Variants in AGBL4 observed in about 807,000 individuals in gnomAD.
The protein encoded by AGBL4 is cytosolic carboxypeptidase 6.
A neutral mutation model predicts 66.4 loss-of-function variants in AGBL4; 58 were observed. The ratio of observed to expected loss-of-function variants is 0.87; its 90% CI spans 0.71 to 1.09. The LOEUF (loss-of-function observed/expected upper bound fraction) is 1.09, where lower values mean the gene tolerates loss of function less well. AGBL4 is among the 50% of genes least tolerant of loss of function. AGBL4 has a pLI of 0.00. For synonymous variants in AGBL4, 234 were observed against 222.9 expected (o/e 1.05, Z -0.44); for missense variants, 579 against 631.0 (o/e 0.92, Z 0.88).
At chr1:49,971,907 G>GTTTTTTTT (rs745772850) in intron 1 of AGBL4, among the ~76,000 whole-genome samples, 78 of 23,436 alleles carry the variant, frequency 3.3e-3, no homozygotes, top group South Asian at 7.0e-3. Context: ...GTTTTTTTGG[G>GTTTTTTTT]TTTTTTTTTT....
At chr1:48,779,530 C>G (rs1333810679) in intron 6 of AGBL4, among the ~76,000 whole-genome samples, 1 of 152,138 alleles carries the variant, frequency 6.6e-6, no homozygotes, top group Non-Finnish European at 1.5e-5. Flanking sequence ...TATCTTCCCT[C>G]ACTAGAATAA....
chr1:48,768,302 T>C (rs1644632146), intron 6 of AGBL4, among the ~76,000 whole-genome samples: 1 of 152,190 alleles, frequency 6.6e-6, no homozygotes, highest in African/African-American at 2.4e-5. Flanking sequence ...TATGACCTGT[T>C]GCCAAACTCC....
intron 1 of AGBL4, among the ~76,000 whole-genome samples, chr1:49,903,114 G>A (rs1307685330): frequency 1.3e-5 from 2 of 152,118 alleles, no homozygotes; most frequent in African/African-American, 4.8e-5. Context: ...CAATGGTAGA[G>A]TGGATAAAGA....
At chr1:49,745,628 A>T (rs1650926032) in intron 2 of AGBL4, among the ~76,000 whole-genome samples, 1 of 151,978 alleles carries the variant, frequency 6.6e-6, no homozygotes, top group South Asian at 2.1e-4. Flanking sequence ...AAAAAAGGAC[A>T]TTTATGATGT....
At chr1:49,367,267 T>C (rs778830186) in intron 3 of AGBL4, among the ~76,000 whole-genome samples, 8 of 152,208 alleles carry the variant, frequency 5.3e-5, no homozygotes, top group Non-Finnish European at 1.2e-4. Flanking sequence ...AGACCCTTTA[T>C]GAATGGCTTG....
At chr1:49,569,108 A>G (rs944243961) in intron 3 of AGBL4, among the ~76,000 whole-genome samples, 1 of 152,198 alleles carries the variant, frequency 6.6e-6, no homozygotes, top group Non-Finnish European at 1.5e-5. Flanking sequence ...AGTCATTATG[A>G]TAAGTGAAAT....
chr1:49,255,015 AGATG>A (rs1190878651), intron 3 of AGBL4, among the ~76,000 whole-genome samples: 1 of 152,210 alleles, frequency 6.6e-6, no homozygotes, highest in Non-Finnish European at 1.5e-5. Flanking sequence ...AATCAACTCA[AGATG>A]GATTAAAGAC....
chr1:49,118,302 A>G (rs780428341), intron 4 of AGBL4, among the ~76,000 whole-genome samples: 1 of 152,188 alleles, frequency 6.6e-6, no homozygotes, highest in Non-Finnish European at 1.5e-5. Flanking sequence ...GCTGGTTTTC[A>G]AAGGGAATGC....
rs556535678 is a variant in AGBL4 at position 49,740,650 on chromosome 1, A to G, written c.158-43213T>C. Among the ~76,000 whole-genome samples, 50 of 152,206 alleles carry G rather than the reference A, an allele frequency of 3.3e-4. 1 individual carries two copies. The South Asian group carries it at 9.3e-3, about 28-fold the overall frequency. ...TCCAAAATTGACCATATAGTAGGAA[A>G]TAAAGCACTCCTCAGCAAATGTAAA... On this transcript the variant is annotated intron_variant, in intron 2 of 13. Coordinates refer to ENST00000371839, the MANE Select transcript of AGBL4 (RefSeq NM_032785.4).
intron 6 of AGBL4, among the ~76,000 whole-genome samples, chr1:48,806,722 C>T (rs1238238173): frequency 6.6e-6 from 1 of 152,162 alleles, no homozygotes; most frequent in Non-Finnish European, 1.5e-5. Flanking sequence ...TCTCTGGCTT[C>T]CTTTGCCATT....
intron 3 of AGBL4, among the ~76,000 whole-genome samples, chr1:49,642,750 G>A (rs1645808450): frequency 1.3e-5 from 2 of 151,930 alleles, no homozygotes; most frequent in African/African-American, 4.8e-5. Context: ...CATCAATAAG[G>A]GGAAAAGAGC....
intron 5 of AGBL4, among the ~76,000 whole-genome samples, chr1:49,038,607 CATCA>C (rs1239400303): frequency 6.6e-6 from 1 of 152,104 alleles, no homozygotes; most frequent in Non-Finnish European, 1.5e-5. Context: ...AGATGCTTTA[CATCA>C]TATGTCACTT....
intron 1 of AGBL4, among the ~76,000 whole-genome samples, chr1:50,009,877 C>A (rs985152043): frequency 2.0e-5 from 3 of 151,844 alleles, no homozygotes; most frequent in Non-Finnish European, 2.9e-5. Flanking sequence ...AAAAAGAAAT[C>A]AAAAAATTAA....
chr1:49,351,654 G>C (rs899677386), intron 3 of AGBL4, among the ~76,000 whole-genome samples: 3 of 152,100 alleles, frequency 2.0e-5, no homozygotes, highest in Non-Finnish European at 4.4e-5. Context: ...AAAGATCTCA[G>C]ATTTTATACA....
At chr1:49,675,585 A>C (rs1646563160) in intron 3 of AGBL4, among the ~76,000 whole-genome samples, 2 of 152,118 alleles carry the variant, frequency 1.3e-5, no homozygotes, top group Non-Finnish European at 2.9e-5. Flanking sequence ...AATCATGCTA[A>C]TGATTCAGAA....
At chr1:49,658,403 G>C (rs1427488266) in intron 3 of AGBL4, among the ~76,000 whole-genome samples, 2 of 152,250 alleles carry the variant, frequency 1.3e-5, no homozygotes, top group Non-Finnish European at 2.9e-5. Flanking sequence ...CTTTTACACT[G>C]TTGGTGGGAC....
chr1:48,880,900 A>C (rs1036385550), intron 5 of AGBL4, among the ~76,000 whole-genome samples: 3 of 152,186 alleles, frequency 2.0e-5, no homozygotes, highest in African/African-American at 7.2e-5. Flanking sequence ...TTTTTCCAAT[A>C]CTGTTACATA....
At chr1:48,984,328 G>A (rs1032526153) in intron 5 of AGBL4, among the ~76,000 whole-genome samples, 1 of 151,408 alleles carries the variant, frequency 6.6e-6, no homozygotes, top group African/African-American at 2.4e-5. Flanking sequence ...CTAGGACTAG[G>A]AATGTAGCCC....
intron 3 of AGBL4, among the ~76,000 whole-genome samples, chr1:49,505,360 G>A (rs1570899519): frequency 6.6e-6 from 1 of 151,178 alleles, no homozygotes; most frequent in Non-Finnish European, 1.5e-5. Context: ...TCACTAATTA[G>A]TGTCTTTTTT....
Sources: gnomAD v4.1 joint callset for allele counts (sites outside exome capture counted in the v4.1 genomes callset) on GRCh38, gnomAD v4.1.1 for gene constraint, MANE v1.5 for transcripts, NCBI Gene and HGNC (gene_info 2026-07-23, HGNC 2026-07-21) for gene names.